The following KCNH7 variants were observed in gnomAD, a reference collection of about 807,000 sequenced individuals.
The protein encoded by KCNH7 is potassium voltage-gated channel subfamily H member 7.
A neutral mutation model predicts 120.8 loss-of-function variants in KCNH7; 49 were observed. The observed-to-expected ratio is 0.41, with a 90% CI of 0.32 to 0.51. The LOEUF (loss-of-function observed/expected upper bound fraction) is 0.51. Among genes scored for constraint, KCNH7 ranks in the 20% least tolerant of loss-of-function variants. KCNH7 has a pLI of 0.38. For synonymous variants in KCNH7, 547 were observed against 516.1 expected (o/e 1.06, Z -0.81); for missense variants, 1,097 against 1,446.6 (o/e 0.76, Z 3.92).
At chr2:162,652,877 T>A (rs1684615797) in intron 2 of KCNH7, among the ~76,000 whole-genome samples, 1 of 152,234 alleles carries the variant, frequency 6.6e-6, no homozygotes, top group African/African-American at 2.4e-5. Context: ...CTGTAGATTG[T>A]TTGAATGAAG....
intron 2 of KCNH7, among the ~76,000 whole-genome samples, chr2:162,739,377 C>T (rs1437726980): frequency 6.6e-6 from 1 of 152,098 alleles, no homozygotes; most frequent in East Asian, 1.9e-4. Context: ...GCCATGGATT[C>T]TTAGATACCT....
intron 2 of KCNH7, among the ~76,000 whole-genome samples, chr2:162,758,051 C>G (rs1036411764): frequency 6.6e-6 from 1 of 151,972 alleles, no homozygotes; most frequent in South Asian, 2.1e-4. Context: ...CACTGGTTAC[C>G]GGGAGAAAAG....
At chr2:162,453,910 G>C (rs796807061) in intron 6 of KCNH7, among the ~76,000 whole-genome samples, 10 of 152,220 alleles carry the variant, frequency 6.6e-5, no homozygotes, top group African/African-American at 2.2e-4. Context: ...TAGGCTGCCT[G>C]TTCAGCCTGA....
chr2:162,597,310 A>C (rs987647098), intron 2 of KCNH7, among the ~76,000 whole-genome samples: 8 of 152,068 alleles, frequency 5.3e-5, no homozygotes, highest in Admixed American at 5.3e-4. Context: ...TCGATGATCA[A>C]TTGATTAAAA....
chr2:162,462,266 A>G (rs1022794783), intron 6 of KCNH7, among the ~76,000 whole-genome samples: 1 of 152,104 alleles, frequency 6.6e-6, no homozygotes, highest in Non-Finnish European at 1.5e-5. Flanking sequence ...GAGCAAGCAC[A>G]TACTACTCGA....
intron 2 of KCNH7, among the ~76,000 whole-genome samples, chr2:162,709,461 G>C (rs1229857629): frequency 6.6e-6 from 1 of 151,956 alleles, no homozygotes; most frequent in South Asian, 2.1e-4. Flanking sequence ...AAATAAGATG[G>C]GTGATCATCT....
intron 2 of KCNH7, among the ~76,000 whole-genome samples, chr2:162,781,919 T>C (rs1016219040): frequency 6.6e-6 from 1 of 152,246 alleles, no homozygotes; most frequent in African/African-American, 2.4e-5. Context: ...TGAATATTTC[T>C]TCACATTGCA....
chr2:162,504,478 CT>C lies in KCNH7; in HGVS notation c.1092del (p.Asp365IlefsTer6). 6.2e-7 allele frequency: 1 copy of C among 1,612,998 alleles called. No individual in the cohort carries two copies. The highest frequency in any genetic ancestry group is 8.5e-7 in the Non-Finnish European group (1 of 1,179,296). ...TTCTCAGTCACATTGTGTGTTCGAT[CT>C]TTAACCTTGGGTGCAATAATGGTTT... ...SDKTIIAPKV[K>X]DRTHNVTEKV... On this transcript the variant is annotated frameshift_variant, in exon 6 of 16. Transcript: ENST00000332142. LOFTEE classifies it high-confidence loss of function.
intron 2 of KCNH7, among the ~76,000 whole-genome samples, chr2:162,668,930 TA>T (rs1281147445): frequency 1.3e-5 from 2 of 152,134 alleles, no homozygotes; most frequent in African/African-American, 2.4e-5. Flanking sequence ...TACTTGAAAT[TA>T]AAAACTTAAT....
intron 9 of KCNH7, among the ~76,000 whole-genome samples, chr2:162,404,483 T>C (rs1263734665): frequency 6.6e-6 from 1 of 151,776 alleles, no homozygotes; most frequent in Admixed American, 6.6e-5. Context: ...ATGTGAGGTG[T>C]TTGGTCATGG....
chr2:162,415,581 G>A (rs1008729879), intron 9 of KCNH7, among the ~76,000 whole-genome samples: 1 of 152,018 alleles, frequency 6.6e-6, no homozygotes, highest in African/African-American at 2.4e-5. Flanking sequence ...TCTTCCTAAT[G>A]TTTCCTTTAA....
intron 2 of KCNH7, among the ~76,000 whole-genome samples, chr2:162,706,362 G>A (rs952393587): frequency 6.6e-6 from 1 of 152,080 alleles, no homozygotes. Flanking sequence ...TATTGATAAT[G>A]ATGATTTGAA....
intron 2 of KCNH7, among the ~76,000 whole-genome samples, chr2:162,624,896 T>TA (rs1683496033): frequency 7.2e-6 from 1 of 138,886 alleles, no homozygotes; most frequent in Non-Finnish European, 1.6e-5. Flanking sequence ...TTGGTTTTTT[T>TA]TTTTTTTTTT....
chr2:162,395,175 T>C (rs1242762124), intron 11 of KCNH7, among the ~76,000 whole-genome samples: 2 of 151,834 alleles, frequency 1.3e-5, no homozygotes, highest in Non-Finnish European at 2.9e-5. Flanking sequence ...AGTAATTTAG[T>C]TTTTGTGGAG....
chr2:162,804,553 T>C (rs750636085), intron 2 of KCNH7, among the ~76,000 whole-genome samples: 1 of 151,686 alleles, frequency 6.6e-6, no homozygotes, highest in Admixed American at 6.6e-5. Flanking sequence ...AGATGAAAGA[T>C]CTGTACAAGT....
intron 6 of KCNH7, among the ~76,000 whole-genome samples, chr2:162,482,732 G>A (rs1306778808): frequency 6.6e-6 from 1 of 152,100 alleles, no homozygotes; most frequent in Admixed American, 6.6e-5. Flanking sequence ...TACAGCAATA[G>A]AACCTTGGGA....
chr2:162,729,475 A>C (rs996548728), intron 2 of KCNH7, among the ~76,000 whole-genome samples: 1 of 152,160 alleles, frequency 6.6e-6, no homozygotes, highest in Admixed American at 6.5e-5. Flanking sequence ...TATACATCTT[A>C]GAATCAGCTT....
At chr2:162,640,946 A>G (rs1179693355) in intron 2 of KCNH7, among the ~76,000 whole-genome samples, 1 of 152,188 alleles carries the variant, frequency 6.6e-6, no homozygotes, top group Non-Finnish European at 1.5e-5. Context: ...CTCATTAGCC[A>G]TTAGGGAAGT....
intron 2 of KCNH7, among the ~76,000 whole-genome samples, chr2:162,828,983 G>A (rs185567390): frequency 2.6e-5 from 4 of 152,160 alleles, no homozygotes; most frequent in South Asian, 4.1e-4. Context: ...CATAGAAGAC[G>A]CCTCAGCCAT....
Sources: gnomAD v4.1 joint callset for allele counts (sites outside exome capture counted in the v4.1 genomes callset) on GRCh38, gnomAD v4.1.1 for gene constraint, MANE v1.5 for transcripts, NCBI Gene and HGNC (gene_info 2026-07-23, HGNC 2026-07-21) for gene names.